The following DYM variants were observed in gnomAD, a reference collection of about 807,000 sequenced individuals.
The protein encoded by DYM is dyggve-Melchior-Clausen syndrome protein.
A neutral mutation model predicts 93.1 loss-of-function variants in DYM; 78 were observed. The observed-to-expected ratio is 0.84, with a 90% CI of 0.70 to 1.01. The LOEUF is 1.01. Among genes scored for constraint, DYM ranks in the 50% least tolerant of loss-of-function variants. The pLI is 0.00. For missense variants in DYM, 789 were observed against 845.0 expected, an observed-to-expected ratio of 0.93 and a Z score of 0.82; for synonymous variants, 321 against 319.7, an observed-to-expected ratio of 1.00 and a Z score of -0.04.
At chr18:49,192,206 G>A (rs936359489) in intron 14 of DYM, among the ~76,000 whole-genome samples, 3 of 150,316 alleles carry the variant, frequency 2.0e-5, no homozygotes, top group Non-Finnish European at 3.0e-5. Context: ...ACAGGCATGG[G>A]CCACTGCACC....
intron 14 of DYM, among the ~76,000 whole-genome samples, chr18:49,172,800 T>C (rs2088916590): frequency 6.6e-6 from 1 of 152,128 alleles, no homozygotes. Flanking sequence ...CATCAGTTCA[T>C]CACATTTTTA....
intron 17 of DYM, among the ~76,000 whole-genome samples, chr18:49,046,649 C>A (rs1332249665): frequency 2.0e-5 from 3 of 152,170 alleles, no homozygotes; most frequent in Non-Finnish European, 4.4e-5. Context: ...CCTGTAATCC[C>A]AGCACTGTGA....
chr18:49,362,530 C>T (rs1187456224), intron 6 of DYM, among the ~76,000 whole-genome samples: 1 of 152,146 alleles, frequency 6.6e-6, no homozygotes, highest in Non-Finnish European at 1.5e-5. Context: ...GACATCAAAA[C>T]AGAATTTTCT....
At chr18:49,059,217 G>C (rs2144597797) in intron 17 of DYM, among the ~76,000 whole-genome samples, 1 of 152,304 alleles carries the variant, frequency 6.6e-6, no homozygotes, top group African/African-American at 2.4e-5. Context: ...GACACAGCTA[G>C]AGGGTGCTGT....
At chr18:49,217,305 A>T (rs2093115128) in intron 13 of DYM, among the ~76,000 whole-genome samples, 1 of 152,222 alleles carries the variant, frequency 6.6e-6, no homozygotes, top group African/African-American at 2.4e-5. Context: ...GACGGGGAGG[A>T]TGGAACCAAG....
At chr18:49,242,195 T>C (rs1328368346) in intron 13 of DYM, among the ~76,000 whole-genome samples, 1 of 152,202 alleles carries the variant, frequency 6.6e-6, no homozygotes, top group Non-Finnish European at 1.5e-5. Flanking sequence ...GCAGATCACC[T>C]GAAGTCAGGA....
chr18:49,437,677 G>C (rs2080979319), intron 1 of DYM, among the ~76,000 whole-genome samples: 1 of 152,118 alleles, frequency 6.6e-6, no homozygotes, highest in African/African-American at 2.4e-5. Context: ...TACCAACTTG[G>C]ATTCTCACCA....
chr18:49,196,016 C>T (rs375754378), intron 14 of DYM, among the ~76,000 whole-genome samples: 6 of 149,330 alleles, frequency 4.0e-5, no homozygotes, highest in South Asian at 4.3e-4. Flanking sequence ...CTTCACCTCC[C>T]GGGTTCAAGC....
At chr18:49,219,082 C>T (rs1300580080) in intron 13 of DYM, among the ~76,000 whole-genome samples, 3 of 152,082 alleles carry the variant, frequency 2.0e-5, no homozygotes, top group Admixed American at 6.6e-5. Flanking sequence ...ACATCACCAC[C>T]GATCCCACAG....
At chr18:49,053,963 C>T (rs2075250673) in intron 17 of DYM, among the ~76,000 whole-genome samples, 1 of 152,110 alleles carries the variant, frequency 6.6e-6, no homozygotes, top group African/African-American at 2.4e-5. Flanking sequence ...GGGTGGTGCT[C>T]CCGGACGATG....
At chr18:49,163,504 C>A (rs1446634927) in intron 15 of DYM, among the ~76,000 whole-genome samples, 181 bp downstream of exon 15, 3 of 152,094 alleles carry the variant, frequency 2.0e-5, no homozygotes, top group African/African-American at 7.2e-5. Flanking sequence ...CACCACCACA[C>A]CCGGCTAATT....
rs140158914 is a variant in DYM, at chr18:49,362,092, C to A, written c.494+1069G>T. 3.0e-3 allele frequency among the ~76,000 whole-genome samples: 462 copies of A among 151,784 alleles called. 14 individuals carry two copies. Among genetic ancestry groups the A allele is most frequent in the Admixed American group, 0.027 (404 of 15,244 alleles). On this transcript the variant is annotated intron_variant, in intron 6 of 17. Coordinates refer to ENST00000675505, the MANE Select transcript of DYM (RefSeq NM_001353214.3). ...TATTGCCCAGGCTGGTCTCCAACTC[C>A]TGCATCCAAACAATACACCTGCCTC...
Position 49,040,971 on chromosome 18 carries a change from G to A in DYM, c.*3084C>T, listed in dbSNP as rs2070890535. Among the ~76,000 whole-genome samples the A allele has an allele frequency of 6.6e-6, 1 of 152,206 alleles. No individual in the cohort carries two copies. Among genetic ancestry groups the A allele is most frequent in the Admixed American group, 6.5e-5 (1 of 15,276 alleles). On this transcript the variant is annotated 3_prime_UTR_variant, in exon 18 of 18. Transcript: ENST00000675505. ...CTGAGTGTTCTGATGCTGGTCCTGT[G>A]TCCTTTCCACTTTCTATCGTCTACT...
chr18:49,200,129 C>A (rs1303130759), intron 14 of DYM, among the ~76,000 whole-genome samples: 1 of 151,842 alleles, frequency 6.6e-6, no homozygotes, highest in Non-Finnish European at 1.5e-5. Context: ...AGTGGCATTG[C>A]ATTATGTTAG....
intron 11 of DYM, among the ~76,000 whole-genome samples, chr18:49,264,493 A>C (rs1196381938): frequency 1.3e-5 from 2 of 152,144 alleles, no homozygotes; most frequent in East Asian, 3.9e-4. Context: ...CATAGTAATA[A>C]AAACATCACC....
At chr18:49,358,441 A>C (rs911054974) in intron 6 of DYM, among the ~76,000 whole-genome samples, 1 of 152,202 alleles carries the variant, frequency 6.6e-6, no homozygotes, top group African/African-American at 2.4e-5. Flanking sequence ...ATGACATCAG[A>C]TATCCCCTGT....
intron 17 of DYM, among the ~76,000 whole-genome samples, chr18:49,087,000 A>T (rs902324004): frequency 6.7e-6 from 1 of 148,728 alleles, no homozygotes; most frequent in Non-Finnish European, 1.5e-5. Flanking sequence ...AAATAAAAAT[A>T]AAAAAAAAAT....
intron 11 of DYM, among the ~76,000 whole-genome samples, chr18:49,264,277 A>G (rs919158330): frequency 1.3e-5 from 2 of 151,952 alleles, no homozygotes; most frequent in African/African-American, 4.8e-5. Flanking sequence ...TTCTCATGAG[A>G]ACATATTTGA....
intron 6 of DYM, among the ~76,000 whole-genome samples, chr18:49,342,756 A>G (rs1400971179): frequency 6.6e-6 from 1 of 152,046 alleles, no homozygotes; most frequent in Non-Finnish European, 1.5e-5. Context: ...ACATACTTAC[A>G]CTGTGTTACA....
Sources: allele counts gnomAD v4.1 joint callset (sites outside exome capture counted in the v4.1 genomes callset), GRCh38; gene constraint gnomAD v4.1.1; transcripts MANE v1.5; gene names NCBI Gene and HGNC (gene_info 2026-07-23, HGNC 2026-07-21).